Variants in PAQR8 observed in about 807,000 individuals in gnomAD.
The protein encoded by PAQR8 is progestin and adipoQ receptor family member 8.
A neutral mutation model predicts 25.2 loss-of-function variants in PAQR8; 17 were observed. The ratio of observed to expected loss-of-function variants is 0.67; its 90% CI spans 0.46 to 1.01. The LOEUF is 1.01. Ranked by LOEUF, PAQR8 falls within the 50% of genes least tolerant of loss-of-function variation. The pLI, the probability that PAQR8 is intolerant of heterozygous loss-of-function variation, is 0.00. For missense variants in PAQR8, 392 were observed against 448.4 expected (o/e 0.87, Z 1.14); for synonymous variants, 204 against 190.6 (o/e 1.07, Z -0.58).
At position 52,394,096 on chromosome 6, in the gene PAQR8, A is replaced by C. The variant is rs895151125; in HGVS notation, c.-52-9066A>C. 2.6e-5 allele frequency among the ~76,000 whole-genome samples: 4 copies of C among 152,154 alleles called. No individual in the cohort carries two copies. The East Asian group carries it at 5.8e-4, about 22-fold the overall frequency. On this transcript the variant is annotated intron_variant, in intron 1 of 1. Coordinates refer to ENST00000442253, the MANE Select transcript of PAQR8 (RefSeq NM_133367.5). ...TCCTACAGAGGTTCCTGTGAGAGATAATAAGGACTCAAATTCAGACAGGGG... is the reference window on the plus strand; with the variant it reads ...TCCTACAGAGGTTCCTGTGAGAGATCATAAGGACTCAAATTCAGACAGGGG...
intron 1 of PAQR8, among the ~76,000 whole-genome samples, chr6:52,382,422 A>C (rs1464269043): frequency 1.3e-5 from 2 of 152,200 alleles, no homozygotes; most frequent in Non-Finnish European, 2.9e-5. Flanking sequence ...TGTCGGAGCA[A>C]ATCACTAGAA....
intron 1 of PAQR8, among the ~76,000 whole-genome samples, chr6:52,394,820 C>T (rs1763748070): frequency 2.0e-5 from 3 of 152,074 alleles, no homozygotes; most frequent in African/African-American, 7.2e-5. Context: ...CTGTATTTAG[C>T]TTAGTTCTGT....
chr6:52,378,796 A>T (rs1763516142), intron 1 of PAQR8, among the ~76,000 whole-genome samples: 1 of 149,028 alleles, frequency 6.7e-6, no homozygotes, highest in South Asian at 2.1e-4. Flanking sequence ...GTCTAAAAAA[A>T]AAGGGGGGGA....
intron 1 of PAQR8, among the ~76,000 whole-genome samples, chr6:52,374,041 C>T (rs536490390): frequency 2.3e-4 from 35 of 152,268 alleles, no homozygotes; most frequent in African/African-American, 7.2e-4. Flanking sequence ...CCTCCCCACT[C>T]CCTCTCTTAC....
intron 1 of PAQR8, among the ~76,000 whole-genome samples, chr6:52,384,846 C>T (rs1307699140): frequency 2.6e-5 from 4 of 152,194 alleles, no homozygotes; most frequent in African/African-American, 7.2e-5. Flanking sequence ...ATAGAGAACC[C>T]AGAAATAAAG....
intron 1 of PAQR8, among the ~76,000 whole-genome samples, chr6:52,363,733 C>T (rs754281670): frequency 9.9e-5 from 15 of 152,140 alleles, no homozygotes; most frequent in Non-Finnish European, 2.2e-4. Flanking sequence ...CTTGACTGCC[C>T]TGTTAAGGTT....
intron 1 of PAQR8, among the ~76,000 whole-genome samples, chr6:52,399,766 GGTA>G (rs1763809850): frequency 6.6e-6 from 1 of 152,100 alleles, no homozygotes; most frequent in African/African-American, 2.4e-5. Context: ...CTTCACAAGA[GGTA>G]GTAGAAGACT....
chr6:52,379,125 T>C (rs1763522037), intron 1 of PAQR8, among the ~76,000 whole-genome samples: 1 of 147,078 alleles, frequency 6.8e-6, no homozygotes, highest in Non-Finnish European at 1.5e-5. Flanking sequence ...AAAAGGAAAT[T>C]CTGGCACATG....
intron 1 of PAQR8, among the ~76,000 whole-genome samples, chr6:52,396,200 C>G (rs906356615): frequency 1.6e-4 from 25 of 152,110 alleles, no homozygotes; most frequent in African/African-American, 5.8e-4. Context: ...AGAGGCAAGG[C>G]CAGAGTCTAA....
chr6:52,400,885 A>C (rs781526662), intron 1 of PAQR8, among the ~76,000 whole-genome samples: 1 of 152,212 alleles, frequency 6.6e-6, no homozygotes, highest in Non-Finnish European at 1.5e-5. Flanking sequence ...AGTACCTAGT[A>C]CCTAGCACAG....
intron 1 of PAQR8, among the ~76,000 whole-genome samples, chr6:52,385,756 G>A (rs1232636370): frequency 1.3e-5 from 2 of 152,046 alleles, no homozygotes; most frequent in Non-Finnish European, 2.9e-5. Flanking sequence ...CATCTGGTGT[G>A]CGCAGGTAGT....
chr6:52,395,631 A>C (rs1429329970), intron 1 of PAQR8, among the ~76,000 whole-genome samples: 2 of 152,218 alleles, frequency 1.3e-5, no homozygotes, highest in African/African-American at 4.8e-5. Flanking sequence ...AAAAAATTGC[A>C]TTAAAATCAA....
chr6:52,384,101 G>A (rs958922473), intron 1 of PAQR8, among the ~76,000 whole-genome samples: 3 of 152,148 alleles, frequency 2.0e-5, no homozygotes, highest in Non-Finnish European at 2.9e-5. Flanking sequence ...TCAGGGAAGC[G>A]GGAGGGAAAT....
intron 1 of PAQR8, among the ~76,000 whole-genome samples, chr6:52,397,312 C>A (rs539858780): frequency 1.3e-5 from 2 of 152,156 alleles, no homozygotes; most frequent in South Asian, 4.1e-4. Context: ...CATACCATTC[C>A]TATGCTCTTA....
chr6:52,390,026 G>C (rs994363148), intron 1 of PAQR8, among the ~76,000 whole-genome samples: 2 of 152,198 alleles, frequency 1.3e-5, no homozygotes, highest in Non-Finnish European at 2.9e-5. Flanking sequence ...ATTAGTGGGA[G>C]TTTCAGACAG....
chr6:52,399,770 G>T (rs1763809887), intron 1 of PAQR8, among the ~76,000 whole-genome samples: 1 of 152,158 alleles, frequency 6.6e-6, no homozygotes, highest in African/African-American at 2.4e-5. Flanking sequence ...ACAAGAGGTA[G>T]TAGAAGACTA....
At chr6:52,380,051 C>T (rs116371171) in intron 1 of PAQR8, among the ~76,000 whole-genome samples, 1,604 of 152,236 alleles carry the variant, frequency 0.011, 22 homozygotes, top group African/African-American at 0.036. Flanking sequence ...GTGAGCCACC[C>T]GACCCGGCCT....
intron 1 of PAQR8, among the ~76,000 whole-genome samples, chr6:52,366,660 T>G (rs979257557): frequency 6.6e-6 from 1 of 152,206 alleles, no homozygotes; most frequent in Non-Finnish European, 1.5e-5. Flanking sequence ...CCTGGAATGT[T>G]GTGTTTGGTT....
At chr6:52,396,963 C>T (rs1763774309) in intron 1 of PAQR8, among the ~76,000 whole-genome samples, 1 of 151,956 alleles carries the variant, frequency 6.6e-6, no homozygotes, top group Non-Finnish European at 1.5e-5. Context: ...AAGCTAAGGG[C>T]CTGGGAGAAG....
Sources: allele counts gnomAD v4.1 joint callset (sites outside exome capture counted in the v4.1 genomes callset), GRCh38; gene constraint gnomAD v4.1.1; transcripts MANE v1.5; gene names NCBI Gene and HGNC (gene_info 2026-07-23, HGNC 2026-07-21).